The following PLD1 variants were observed in gnomAD, a reference collection of about 807,000 sequenced individuals.
PLD1 encodes choline phosphatase 1.
PLD1 carries 112 observed loss-of-function variants against 137.1 expected under a neutral mutation model. The observed-to-expected ratio is 0.82, with a 90% CI of 0.70 to 0.96. PLD1 has a LOEUF of 0.96. PLD1 is among the 40% of genes least tolerant of loss of function. The pLI, the probability that PLD1 is intolerant of heterozygous loss-of-function variation, is 0.00. For missense variants in PLD1, 1,321 were observed against 1,342.0 expected, an observed-to-expected ratio of 0.98 and a Z score of 0.24; for synonymous variants, 431 against 454.7, an observed-to-expected ratio of 0.95 and a Z score of 0.66.
At chr3:171,665,050 C>T (rs1294683204) in intron 19 of PLD1, among the ~76,000 whole-genome samples, 1 of 152,168 alleles carries the variant, frequency 6.6e-6, no homozygotes, top group African/African-American at 2.4e-5. Context: ...AATCCAAAAA[C>T]CTTATACTTT....
intron 1 of PLD1, chr3:171,788,798 T>C (rs1330812317): frequency 6.6e-6 from 1 of 152,236 alleles, no homozygotes; most frequent in East Asian, 1.9e-4. Flanking sequence ...TATTAAGTTC[T>C]GTCTATATAT....
At position 171,676,729 on chromosome 3, in the gene PLD1, A is replaced by T; in HGVS notation, c.2101T>A (p.Trp701Arg). ...RDVARHFIQR[W>R]NFTKIMKSKY... ...CATCCAAGTACTTTTGTGAAGTTCC[A>T]GCGCTGGATGAAGTGACGTGCCACA... is the stretch of plus-strand genomic sequence containing the variant. The change falls in exon 18 of 27, where the codon TGG (tryptophan) becomes AGG (arginine). Residue 701 changes from tryptophan to arginine, a missense_variant. Transcript: ENST00000351298. 6.2e-7 allele frequency: 1 copy of T among 1,613,390 alleles called. No homozygotes were observed. Among genetic ancestry groups the T allele is most frequent in the Non-Finnish European group, 8.5e-7 (1 of 1,179,328 alleles).
At chr3:171,805,154 T>C (rs1009010699) in intron 1 of PLD1, among the ~76,000 whole-genome samples, 4 of 152,250 alleles carry the variant, frequency 2.6e-5, no homozygotes, top group Admixed American at 2.6e-4. Flanking sequence ...GTTATTTTTA[T>C]TTCCATGTTG....
intron 12 of PLD1, 142 bp from the exon 13 acceptor site, chr3:171,692,584 A>G: frequency 1.7e-6 from 1 of 574,074 alleles, no homozygotes; most frequent in Non-Finnish European, 3.1e-6. Context: ...GCAGTGGCGC[A>G]ATCTCGGCTC....
At chr3:171,752,449 T>A (rs556307601) in intron 1 of PLD1, among the ~76,000 whole-genome samples, 3 of 152,218 alleles carry the variant, frequency 2.0e-5, no homozygotes, top group Non-Finnish European at 4.4e-5. Context: ...TGCAGCTCTT[T>A]CCCTCTTGCT....
At chr3:171,782,766 G>A (rs1317032604) in intron 1 of PLD1, among the ~76,000 whole-genome samples, 1 of 152,214 alleles carries the variant, frequency 6.6e-6, no homozygotes, top group Non-Finnish European at 1.5e-5. Context: ...ACAAAGATAT[G>A]AGGCAAATCT....
intron 1 of PLD1, among the ~76,000 whole-genome samples, chr3:171,755,618 C>A (rs1222724614): frequency 1.3e-5 from 2 of 152,198 alleles, no homozygotes; most frequent in African/African-American, 4.8e-5. Flanking sequence ...CTCATCCACT[C>A]TAATGGTTAA....
intron 23 of PLD1, among the ~76,000 whole-genome samples, chr3:171,627,788 A>T (rs1734259630): frequency 6.6e-6 from 1 of 152,224 alleles, no homozygotes; most frequent in Admixed American, 6.5e-5. Flanking sequence ...TGAAGGCAGA[A>T]ATAAAAATGT....
At chr3:171,661,924 G>T (rs910649007) in intron 20 of PLD1, 136 bp downstream of exon 20, 2 of 558,976 alleles carry the variant, frequency 3.6e-6, no homozygotes, top group African/African-American at 3.7e-5. Context: ...ATATGAACCA[G>T]AGCTTCTCCA....
At chr3:171,792,640 T>C (rs1418101955) in intron 1 of PLD1, 2 of 456,560 alleles carry the variant, frequency 4.4e-6, no homozygotes, top group African/African-American at 4.0e-5. Flanking sequence ...TGGAGAGGAT[T>C]GTCTTTCCCC....
chr3:171,797,584 A>T (rs1324130258), intron 1 of PLD1, among the ~76,000 whole-genome samples: 1 of 152,168 alleles, frequency 6.6e-6, no homozygotes, highest in Non-Finnish European at 1.5e-5. Flanking sequence ...CCCAGAGGGC[A>T]GTTGCTCCCA....
chr3:171,776,240 T>C (rs1390391936), intron 1 of PLD1, among the ~76,000 whole-genome samples: 12 of 152,280 alleles, frequency 7.9e-5, no homozygotes, highest in African/African-American at 2.6e-4. Flanking sequence ...CCCCACTCTA[T>C]GGAGCTGTAG....
At chr3:171,651,386 T>C (rs1356199729) in intron 21 of PLD1, among the ~76,000 whole-genome samples, 2 of 151,998 alleles carry the variant, frequency 1.3e-5, no homozygotes, top group African/African-American at 2.4e-5. Context: ...TCAATTATGT[T>C]GGAATTGGAT....
intron 1 of PLD1, among the ~76,000 whole-genome samples, chr3:171,753,088 T>C (rs1001577390): frequency 5.9e-5 from 9 of 152,246 alleles, no homozygotes; most frequent in Non-Finnish European, 1.0e-4. Flanking sequence ...CTTTGAACCA[T>C]GTCTGAAATG....
chr3:171,690,163 C>T (rs1715007609), intron 13 of PLD1, among the ~76,000 whole-genome samples: 1 of 152,126 alleles, frequency 6.6e-6, no homozygotes, highest in African/African-American at 2.4e-5. Context: ...GAATTGCTTA[C>T]AGTAATATCT....
chr3:171,757,436 C>A (rs543524833), intron 1 of PLD1, among the ~76,000 whole-genome samples: 1 of 152,062 alleles, frequency 6.6e-6, no homozygotes, highest in Non-Finnish European at 1.5e-5. Flanking sequence ...AAGATGGACA[C>A]AAAGCAGGAA....
At chr3:171,696,399 A>G (rs1443023558) in intron 12 of PLD1, among the ~76,000 whole-genome samples, 3 of 152,218 alleles carry the variant, frequency 2.0e-5, no homozygotes, top group Non-Finnish European at 4.4e-5. Flanking sequence ...GAGAAGTTCA[A>G]CTTGGTTATT....
intron 1 of PLD1, among the ~76,000 whole-genome samples, chr3:171,751,789 A>G (rs1720680263): frequency 6.6e-6 from 1 of 152,228 alleles, no homozygotes; most frequent in African/African-American, 2.4e-5. Flanking sequence ...TCACGAGGTC[A>G]GGAGATCGAG....
intron 19 of PLD1, among the ~76,000 whole-genome samples, chr3:171,672,996 T>G (rs1407065462): frequency 6.6e-6 from 1 of 152,216 alleles, no homozygotes. Flanking sequence ...GCAATCCATT[T>G]TCAACAGATA....
Sources: allele counts gnomAD v4.1 joint callset (sites outside exome capture counted in the v4.1 genomes callset), GRCh38; gene constraint gnomAD v4.1.1; transcripts MANE v1.5; gene names NCBI Gene and HGNC (gene_info 2026-07-23, HGNC 2026-07-21).